FGD4: variants seen among roughly 807,000 people sequenced by gnomAD.
FGD4 encodes the protein FYVE, RhoGEF and PH domain-containing protein 4.
FGD4 carries 42 observed loss-of-function variants against 102.0 expected under a neutral mutation model. The ratio of observed to expected loss-of-function variants is 0.41; its 90% CI spans 0.32 to 0.53. The LOEUF (loss-of-function observed/expected upper bound fraction) is 0.53. Ranked by LOEUF, FGD4 falls within the 20% of genes least tolerant of loss-of-function variation. FGD4 has a pLI of 0.21. For synonymous variants in FGD4, 380 were observed against 375.7 expected, an observed-to-expected ratio of 1.01 and a Z score of -0.13; for missense variants, 902 against 1,078.2, an observed-to-expected ratio of 0.84 and a Z score of 2.29.
intron 2 of FGD4, among the ~76,000 whole-genome samples, chr12:32,568,960 T>C (rs1945414017): frequency 6.6e-6 from 1 of 152,196 alleles, no homozygotes; most frequent in African/African-American, 2.4e-5. Context: ...TCAAATTTAG[T>C]GTATATGAAA....
chr12:32,563,934 G>A (rs1944944755), intron 1 of FGD4, among the ~76,000 whole-genome samples: 1 of 151,066 alleles, frequency 6.6e-6, no homozygotes, highest in Admixed American at 6.6e-5. Context: ...AGGTTGCAGT[G>A]AGCCGAGATG....
At chr12:32,463,731 T>A (rs574291254) in intron 1 of FGD4, among the ~76,000 whole-genome samples, 8 of 152,358 alleles carry the variant, frequency 5.3e-5, no homozygotes, top group Non-Finnish European at 8.8e-5. Context: ...AAGTTTCTTT[T>A]AACTTTTGTG....
At position 32,459,702 on chromosome 12, in the gene FGD4, T is replaced by C. The variant is rs113160416; in HGVS notation, c.166+59743T>C. On this transcript the variant is annotated intron_variant, in intron 1 of 16. Transcript: ENST00000534526. ...GTGTTTACAAGTAGATTTTCTTTTT[T>C]TTTTTTCTAAATTTCTAGACAGGGC... 5.1e-4 allele frequency among the ~76,000 whole-genome samples: 78 copies of C among 152,194 alleles called. 3 individuals carry two copies. Among genetic ancestry groups the C allele is most frequent in the African/African-American group, 1.8e-3 (75 of 41,538 alleles).
chr12:32,550,771 C>A (rs1486053588), intron 1 of FGD4, among the ~76,000 whole-genome samples: 1 of 150,710 alleles, frequency 6.6e-6, no homozygotes, highest in Admixed American at 6.6e-5. Context: ...AATTGTGATA[C>A]TAGCAAATGA....
At chr12:32,616,818 C>G (rs1995226) in intron 10 of FGD4, among the ~76,000 whole-genome samples, 15,896 of 152,164 alleles carry the variant, frequency 0.1, 928 homozygotes, top group Middle Eastern at 0.19. Context: ...TTAATGTAAG[C>G]CATTTCATGT....
At chr12:32,406,932 C>A (rs1330750604) in intron 1 of FGD4, among the ~76,000 whole-genome samples, 1 of 151,438 alleles carries the variant, frequency 6.6e-6, no homozygotes, top group African/African-American at 2.4e-5. Context: ...TCTGCCTCAG[C>A]CTCCCAAGTA....
intron 1 of FGD4, among the ~76,000 whole-genome samples, chr12:32,456,446 A>T (rs1942951238): frequency 6.6e-6 from 1 of 152,118 alleles, no homozygotes; most frequent in Non-Finnish European, 1.5e-5. Context: ...CTCACATGAG[A>T]CTACTGTAGT....
intron 1 of FGD4, among the ~76,000 whole-genome samples, chr12:32,474,332 A>T (rs1943529522): frequency 1.3e-5 from 2 of 152,214 alleles, no homozygotes. Context: ...AATAGCCAAA[A>T]GGTGGAAACA....
intron 1 of FGD4, among the ~76,000 whole-genome samples, chr12:32,466,532 G>A (rs1943255378): frequency 6.6e-6 from 1 of 152,032 alleles, no homozygotes; most frequent in South Asian, 2.1e-4. Context: ...AAAGCTCACT[G>A]ATTTAATGTT....
chr12:32,490,747 G>C (rs1944060102), intron 1 of FGD4, among the ~76,000 whole-genome samples: 1 of 152,104 alleles, frequency 6.6e-6, no homozygotes, highest in Non-Finnish European at 1.5e-5. Context: ...ATATATTCCT[G>C]CAAGGAAAGA....
chr12:32,522,269 G>T (rs1488515580), intron 1 of FGD4, among the ~76,000 whole-genome samples: 1 of 152,102 alleles, frequency 6.6e-6, no homozygotes, highest in Non-Finnish European at 1.5e-5. Context: ...GGTGGGGGTG[G>T]ATACGTAGAG....
intron 1 of FGD4, among the ~76,000 whole-genome samples, chr12:32,486,472 CCTTGTCAT>C (rs1942655673): frequency 6.6e-6 from 1 of 152,044 alleles, no homozygotes; most frequent in South Asian, 2.1e-4. Flanking sequence ...CACTGTTGAC[CCTTGTCAT>C]CTCAGTCTTT....
At chr12:32,578,492 G>A (rs1946313820) in intron 3 of FGD4, among the ~76,000 whole-genome samples, 1 of 152,162 alleles carries the variant, frequency 6.6e-6, no homozygotes, top group Non-Finnish European at 1.5e-5. Flanking sequence ...ACCAACATCT[G>A]TTAGAGTGGA....
chr12:32,553,768 A>G (rs1319458915), intron 1 of FGD4, among the ~76,000 whole-genome samples: 1 of 152,226 alleles, frequency 6.6e-6, no homozygotes, highest in East Asian at 1.9e-4. Context: ...GGCAGCCTAT[A>G]ATGCATATAA....
chr12:32,638,477 G>T (rs900621659), intron 15 of FGD4, among the ~76,000 whole-genome samples, 178 bp from the exon 16 acceptor site: 1 of 152,190 alleles, frequency 6.6e-6, no homozygotes, highest in Non-Finnish European at 1.5e-5. Context: ...GTCTAGTTAC[G>T]TAAAGAGCTA....
At chr12:32,404,020 G>T (rs1175307805) in intron 1 of FGD4, among the ~76,000 whole-genome samples, 1 of 151,776 alleles carries the variant, frequency 6.6e-6, no homozygotes, top group African/African-American at 2.4e-5. Context: ...CGGGTTCCTG[G>T]CAATGACTTT....
In FGD4 at chr12:32,611,270, G is replaced by A. The variant is rs281865063; in HGVS notation, c.1736G>A (p.Arg579His). ...LAARNTSAQE[R>H]YLFLFNNMLL... Reference sequence around the variant, plus strand: ...GCTCGGAACACTTCAGCACAAGAACGCTACCTTTTCTTAGTGAGTATTATA... The same window carrying A: ...GCTCGGAACACTTCAGCACAAGAACACTACCTTTTCTTAGTGAGTATTATA... The change falls in exon 10 of 17, where the codon CGC becomes CAC. Residue 579 changes from arginine to histidine, a missense_variant. By Grantham distance (29) the Arg-to-His change is conservative (BLOSUM62 0). Coordinates refer to ENST00000534526, the MANE Select transcript of FGD4 (RefSeq NM_001370298.3). The A allele has an allele frequency of 1.9e-6, 3 of 1,614,116 alleles. No individual in the cohort carries two copies. Among genetic ancestry groups the A allele is most frequent in the Non-Finnish European group, 2.5e-6 (3 of 1,180,010 alleles).
In FGD4 at chr12:32,552,434, AT is replaced by A. The variant is rs66646521; in HGVS notation, c.167-11678del. ...GCCGCCATGCCCGACTAATTTTTGC[AT>A]TTTTTTTTTTTTTTTTTTTTTTTTG... On this transcript the variant is annotated intron_variant, in intron 1 of 16. Transcript: ENST00000534526. Among the ~76,000 whole-genome samples, 1,129 of 120,858 alleles carry A rather than the reference AT, an allele frequency of 9.3e-3. 6 individuals carry two copies. The highest frequency in any genetic ancestry group is 0.014 in the Non-Finnish European group (808 of 57,526). 79.3% of individuals were successfully genotyped at this position (120,858 alleles called of 152,430 possible).
intron 1 of FGD4, among the ~76,000 whole-genome samples, chr12:32,487,826 C>G (rs910495036): frequency 6.6e-6 from 1 of 152,182 alleles, no homozygotes; most frequent in Non-Finnish European, 1.5e-5. Flanking sequence ...CTCAGCCTCC[C>G]GATAGCTGGG....
Sources: allele counts gnomAD v4.1 joint callset (sites outside exome capture counted in the v4.1 genomes callset), GRCh38; gene constraint gnomAD v4.1.1; transcripts MANE v1.5; gene names NCBI Gene and HGNC (gene_info 2026-07-23, HGNC 2026-07-21).